OXNAD1: variants seen among roughly 807,000 people sequenced by gnomAD.
OXNAD1 encodes oxidoreductase NAD binding domain containing 1.
In OXNAD1, 34 loss-of-function variants were observed where a neutral mutation model predicts 32.9. The ratio of observed to expected loss-of-function variants is 1.03; its 90% confidence interval spans 0.79 to 1.38. The LOEUF (loss-of-function observed/expected upper bound fraction) is 1.38, where lower values mean the gene tolerates loss of function less well. OXNAD1 is among the 40% of genes most tolerant of loss of function. The pLI is 0.00. For missense variants in OXNAD1, 407 were observed against 379.4 expected (o/e 1.07, Z -0.60); for synonymous variants, 134 against 135.2 (o/e 0.99, Z 0.06).
chr3:16,340,424 T>G (rs2071243047), downstream of OXNAD1, among the ~76,000 whole-genome samples: 1 of 152,258 alleles, frequency 6.6e-6, no homozygotes, highest in Non-Finnish European at 1.5e-5. Context: ...GAGGCCACTC[T>G]AGATCATTCA....
chr3:16,349,983 C>T (rs1029887068), exon 10 of OXNAD1: 1 of 152,230 alleles, frequency 6.6e-6, no homozygotes, highest in African/African-American at 2.4e-5. Context: ...TTGAAGTCCA[C>T]TCACATTAGG....
intron 9 of OXNAD1, among the ~76,000 whole-genome samples, chr3:16,319,705 A>G (rs2068830665): frequency 6.6e-6 from 1 of 152,214 alleles, no homozygotes; most frequent in South Asian, 2.1e-4. Flanking sequence ...TGCTGATATA[A>G]TACAAAACGA....
In OXNAD1 at chr3:16,303,948, C is replaced by T. The variant is rs2067367502; in HGVS notation, c.*386C>T. The T allele has an allele frequency of 6.5e-6, 1 of 154,658 alleles. No individual in the cohort carries two copies. The highest frequency in any genetic ancestry group is 2.0e-4 in the South Asian group (1 of 4,888). 9.6% of individuals were successfully genotyped at this position (154,658 alleles called of 1,614,324 possible). A position where few individuals can be genotyped will look rare whatever the true frequency, so the allele number is the denominator to read the frequency against. On this transcript the variant is annotated 3_prime_UTR_variant, in exon 9 of 9. Transcript: ENST00000285083. This position sits in a 1 kb window ranked among gnomAD's most constrained non-coding sequence, Gnocchi z 4.8. ...GGCTAGCTTTAAATTATTTGACAGC[C>T]ATCTATATATCTTATGTTTAATGAA...
chr3:16,324,330 A>C (rs1381737505), intron 9 of OXNAD1, among the ~76,000 whole-genome samples: 1 of 152,162 alleles, frequency 6.6e-6, no homozygotes, highest in African/African-American at 2.4e-5. Context: ...AAACTATACA[A>C]GGCATTATTG....
Position 16,345,854 on chromosome 3 carries a change from GTA to G in OXNAD1, c.*31-3320_*31-3319del, listed in dbSNP as rs1395095840. Among the ~76,000 whole-genome samples, 12 of 39,206 alleles carry G rather than the reference GTA, an allele frequency of 3.1e-4. No homozygotes were observed. The highest frequency in any genetic ancestry group is 1.5e-3 in the African/African-American group (9 of 5,834). 25.7% of individuals were successfully genotyped at this position (39,206 alleles called of 152,430 possible). On this transcript the variant is annotated intron_variant, in intron 9 of 9. Coordinates refer to the OXNAD1 transcript ENST00000606098. The surrounding 1 kb of genome is among the most constrained non-coding windows in gnomAD (Gnocchi z 5.2). ...TGCGCGCACGCGCACATGTGCATGTGTATGTGTATAATCTCCTACTGGTTCTG... is the reference window on the plus strand; with the variant it reads ...TGCGCGCACGCGCACATGTGCATGTGTGTGTATAATCTCCTACTGGTTCTG...
In OXNAD1 at chr3:16,265,891, T is replaced by C. The variant is rs1022717344; in HGVS notation, c.-159+386T>C. Reference sequence around the variant, plus strand: ...ACCAGTTTTTTCGTTGTGAAAGAAATGGTGTCAGTAGGCAGGTTTATCAGT... The same window carrying C: ...ACCAGTTTTTTCGTTGTGAAAGAAACGGTGTCAGTAGGCAGGTTTATCAGT... On this transcript the variant is annotated intron_variant, in intron 1 of 8. Coordinates refer to ENST00000285083, the MANE Select transcript of OXNAD1 (RefSeq NM_138381.5). The surrounding 1 kb of genome is among the most constrained non-coding windows in gnomAD (Gnocchi z 4.8). 8.1e-6 allele frequency: 8 copies of C among 985,156 alleles called. No individual in the cohort carries two copies. Among genetic ancestry groups the C allele is most frequent in the Non-Finnish European group, 9.6e-6 (8 of 829,830 alleles). The allele number at this position is 985,156 out of a possible 1,614,324, so 61.0% of individuals were successfully genotyped here.
In OXNAD1 at chr3:16,334,293, G is replaced by A. The variant is rs137862950; in HGVS notation, c.*31-2819G>A. Among the ~76,000 whole-genome samples the A allele has an allele frequency of 9.9e-5, 15 of 152,182 alleles. No individual in the cohort carries two copies. Among genetic ancestry groups the A allele is most frequent in the Admixed American group, 6.5e-5 (1 of 15,290 alleles). On this transcript the variant is annotated intron_variant, in intron 9 of 9. Coordinates refer to the OXNAD1 transcript ENST00000435829. This position sits in a 1 kb window ranked among gnomAD's most constrained non-coding sequence, Gnocchi z 4.3. The stretch of plus-strand genomic sequence containing the variant: ...TTGCCAAGGCCGTGGGGAAGCATGC[G>A]TTCTTGTACATTGCTAGTGGAAGGG...
intron 6 of OXNAD1, among the ~76,000 whole-genome samples, chr3:16,300,149 CCTTT>C (rs1223812212): frequency 2.6e-5 from 4 of 152,164 alleles, no homozygotes; most frequent in Non-Finnish European, 4.4e-5. Flanking sequence ...ATCCAATGCT[CCTTT>C]CTAGAACTGT....
chr3:16,350,809 TA>T (rs1377307144), downstream of OXNAD1, among the ~76,000 whole-genome samples: 1 of 152,200 alleles, frequency 6.6e-6, no homozygotes, highest in Non-Finnish European at 1.5e-5. Flanking sequence ...TCTTTGGCAC[TA>T]AAGACTATGA....
intron 4 of OXNAD1, among the ~76,000 whole-genome samples, chr3:16,282,356 T>C (rs1040290844): frequency 8.1e-6 from 1 of 123,806 alleles, no homozygotes. Flanking sequence ...TCTTCCCCTA[T>C]CCACCCAGCT....
At chr3:16,293,642 C>T (rs1351559515) in intron 5 of OXNAD1, among the ~76,000 whole-genome samples, 13 of 149,278 alleles carry the variant, frequency 8.7e-5, no homozygotes, top group Admixed American at 2.0e-4. Flanking sequence ...GTTCTGATCA[C>T]GTTTTATTTC....
downstream of OXNAD1, among the ~76,000 whole-genome samples, chr3:16,310,883 G>A (rs1202083068): frequency 1.3e-5 from 2 of 151,318 alleles, no homozygotes; most frequent in African/African-American, 2.4e-5. Flanking sequence ...CCAGCTACTC[G>A]GCAGGCTGAG....
At chr3:16,309,248 T>A (rs964233877), downstream of OXNAD1, among the ~76,000 whole-genome samples, 5 of 152,204 alleles carry the variant, frequency 3.3e-5, no homozygotes, top group African/African-American at 1.2e-4. Flanking sequence ...CAAGCAATAT[T>A]GCAGTAAACC....
Position 16,303,552 on chromosome 3 carries a change from A to G in OXNAD1, c.929A>G (p.Lys310Arg), listed in dbSNP as rs1559772382. 5 of 1,613,862 alleles carry G rather than the reference A, an allele frequency of 3.1e-6. No homozygotes were observed. The highest frequency in any genetic ancestry group is 1.7e-5 in the Admixed American group (1 of 60,012). Reference sequence around the variant, plus strand: ...CCCAAAGAACACATTTGCTTTGAGAAGTGGTGGTAGGAGGCAGACAAAGGC... The same window carrying G: ...CCCAAAGAACACATTTGCTTTGAGAGGTGGTGGTAGGAGGCAGACAAAGGC... ...HVPKEHICFE[K>R]WW is the part of the protein sequence containing the mutation. Residue 310 changes from lysine to arginine, a missense_variant, in exon 9 of 9, where the codon AAG becomes AGG. Lys to Arg is a conservative substitution (Grantham distance 26). Coordinates refer to ENST00000285083, the MANE Select transcript of OXNAD1 (RefSeq NM_138381.5). This position sits in a 1 kb window ranked among gnomAD's most constrained non-coding sequence, Gnocchi z 4.8.
rs1291146449 is a variant in OXNAD1 at position 16,327,779 on chromosome 3, G to GA, written c.*31-9326dup. On this transcript the variant is annotated intron_variant, in intron 9 of 9. Transcript: ENST00000435829. This position sits in a 1 kb window ranked among gnomAD's most constrained non-coding sequence, Gnocchi z 4.2. ...CCCATCTCAAAAAAAAAAACAAAAC[G>GA]AAAAAAACTTCAGCCCCCTGCTAGC... 1.3e-5 allele frequency among the ~76,000 whole-genome samples: 2 copies of GA among 151,194 alleles called. No homozygotes were observed. Among genetic ancestry groups the GA allele is most frequent in the Non-Finnish European group, 2.9e-5 (2 of 67,824 alleles).
chr3:16,343,517 T>C (rs530925234), intron 9 of OXNAD1, among the ~76,000 whole-genome samples: 1 of 152,346 alleles, frequency 6.6e-6, no homozygotes, highest in South Asian at 2.1e-4. Flanking sequence ...ACTGTCACTT[T>C]CACCTGTACC....
In OXNAD1 at chr3:16,348,924, C is replaced by T. The variant is rs958815698; in HGVS notation, c.*31-252C>T. Among the ~76,000 whole-genome samples, 15 of 152,148 alleles carry T rather than the reference C, an allele frequency of 9.9e-5. No homozygotes were observed. Among genetic ancestry groups the T allele is most frequent in the African/African-American group, 3.6e-4 (15 of 41,418 alleles). On this transcript the variant is annotated intron_variant, in intron 9 of 9. Transcript: ENST00000606098. This position sits in a 1 kb window ranked among gnomAD's most constrained non-coding sequence, Gnocchi z 6.3. ...AGAACACCCGAGCAAGTGGCTGCTGCCAAGGAGGAGGCAGAGGGAAAATTC... is the reference window on the plus strand; with the variant it reads ...AGAACACCCGAGCAAGTGGCTGCTGTCAAGGAGGAGGCAGAGGGAAAATTC...
chr3:16,306,456 G>T (rs1163828746), downstream of OXNAD1, among the ~76,000 whole-genome samples: 2 of 152,152 alleles, frequency 1.3e-5, no homozygotes, highest in Non-Finnish European at 2.9e-5. Flanking sequence ...TAACACAAGT[G>T]ACAATGATTC....
At position 16,316,905 on chromosome 3, in the gene OXNAD1, G is replaced by C; in HGVS notation, c.*30+13313G>C. 6.2e-7 allele frequency: 1 copy of C among 1,614,118 alleles called. No homozygotes were observed. Among genetic ancestry groups the C allele is most frequent in the Non-Finnish European group, 8.5e-7 (1 of 1,180,026 alleles). Reference sequence around the variant, plus strand: ...CTGGCATCCTCTCCAGGATTGGAGTGCCCAGTGCAAATCCCCACCAGGGCC... The same window carrying C: ...CTGGCATCCTCTCCAGGATTGGAGTCCCCAGTGCAAATCCCCACCAGGGCC... On this transcript the variant is annotated intron_variant, in intron 9 of 9. Coordinates refer to the OXNAD1 transcript ENST00000435829. This position sits in a 1 kb window ranked among gnomAD's most constrained non-coding sequence, Gnocchi z 4.5.
Sources: allele counts gnomAD v4.1 joint callset (sites outside exome capture counted in the v4.1 genomes callset), GRCh38; gene constraint gnomAD v4.1.1; non-coding constraint Gnocchi (gnomAD v3.1); transcripts MANE v1.5; gene names NCBI Gene and HGNC (gene_info 2026-07-23, HGNC 2026-07-21).